Variants in ZNF33B observed in about 807,000 individuals in gnomAD.
ZNF33B encodes zinc finger protein 11b (KOX 2).
A neutral mutation model predicts 45.8 loss-of-function variants in ZNF33B; 29 were observed. The observed-to-expected ratio is 0.63, with a 90% confidence interval of 0.47 to 0.86. ZNF33B has a LOEUF of 0.86. Among genes scored for constraint, ZNF33B ranks in the 40% least tolerant of loss-of-function variants. The probability of loss-of-function intolerance (pLI) is 0.00; values close to 1 mark genes in which losing one functional copy is unlikely to be tolerated. For synonymous variants in ZNF33B, 305 were observed against 307.8 expected (o/e 0.99, Z 0.10); for missense variants, 831 against 909.9 (o/e 0.91, Z 1.12).
In ZNF33B at chr10:42,577,557, G is replaced by C. The variant is rs536787057; in HGVS notation, c.74-2879C>G. On this transcript the variant is annotated intron_variant, in intron 1 of 1. Coordinates refer to the ZNF33B transcript ENST00000462075. ...CCTTCACTTCAGAAAAAGCCCCAAG[G>C]CTTCTGATTCTCCAGTACTTTCTCC... Among the ~76,000 whole-genome samples, 7 of 152,222 alleles carry C rather than the reference G, an allele frequency of 4.6e-5. No individual in the cohort carries two copies. The East Asian group carries it at 1.4e-3, about 29-fold the overall frequency.
chr10:42,617,001 T>C (rs1020473427), intron 4 of ZNF33B, among the ~76,000 whole-genome samples: 39 of 150,600 alleles, frequency 2.6e-4, no homozygotes, highest in African/African-American at 9.3e-4. Flanking sequence ...GCCTGTCTAT[T>C]ATCTTTATTA....
intron 1 of ZNF33B, chr10:42,582,744 T>G (rs1176463466): frequency 5.6e-6 from 1 of 177,460 alleles, no homozygotes; most frequent in Non-Finnish European, 1.2e-5. Flanking sequence ...CAAAACCAGA[T>G]AGGACACCTG....
At chr10:42,635,366 G>A (rs530236070) in intron 2 of ZNF33B, among the ~76,000 whole-genome samples, 1 of 152,232 alleles carries the variant, frequency 6.6e-6, no homozygotes, top group South Asian at 2.1e-4. Context: ...TGAGCAGGGA[G>A]GTGTCAGGAT....
At chr10:42,625,731 C>T (rs541158150) in intron 4 of ZNF33B, among the ~76,000 whole-genome samples, 1 of 152,368 alleles carries the variant, frequency 6.6e-6, no homozygotes, top group East Asian at 1.9e-4. Flanking sequence ...CCACGGCCTC[C>T]CAAAGTACTG....
chr10:42,591,256 C>T lies in ZNF33B; in HGVS notation c.*1357G>A. The T allele has an allele frequency of 1.1e-6, 1 of 927,836 alleles. No homozygotes were observed. Among genetic ancestry groups the T allele is most frequent in the South Asian group, 5.0e-5 (1 of 20,132 alleles). The allele number at this position is 927,836 out of a possible 1,614,324, so 57.5% of individuals were successfully genotyped here. ...GTATGTGTGGGCCTCTTTCCAGGGC[C>T]CTGTCTTGGAGAGCAGCTGCTTAAA... On this transcript the variant is annotated 3_prime_UTR_variant, in exon 5 of 5. Coordinates refer to ENST00000359467, the MANE Select transcript of ZNF33B (RefSeq NM_006955.3).
intron 4 of ZNF33B, among the ~76,000 whole-genome samples, chr10:42,629,076 AATAG>A (rs1210168628): frequency 2.6e-5 from 4 of 152,240 alleles, no homozygotes; most frequent in African/African-American, 9.6e-5. Flanking sequence ...TTCACAGATA[AATAG>A]ATAAAGAAAA....
At chr10:42,618,684 C>G (rs564091525) in intron 4 of ZNF33B, among the ~76,000 whole-genome samples, 2 of 152,178 alleles carry the variant, frequency 1.3e-5, no homozygotes, top group South Asian at 4.2e-4. Flanking sequence ...TGCATTTATC[C>G]TCCTATGAGT....
intron 4 of ZNF33B, among the ~76,000 whole-genome samples, chr10:42,629,843 T>C (rs1838970753): frequency 1.3e-5 from 2 of 152,216 alleles, no homozygotes; most frequent in Admixed American, 6.5e-5. Context: ...GTTTTCTCAG[T>C]AGTTGTTCTA....
downstream of ZNF33B, among the ~76,000 whole-genome samples, chr10:42,587,714 C>T (rs1313563799): frequency 2.6e-5 from 4 of 152,182 alleles, no homozygotes; most frequent in Non-Finnish European, 5.9e-5. Flanking sequence ...AGTATCAGTG[C>T]CAGGCCATGC....
intron 1 of ZNF33B, among the ~76,000 whole-genome samples, chr10:42,575,731 T>TAC (rs1235378875): frequency 8.1e-6 from 1 of 122,858 alleles, no homozygotes; most frequent in African/African-American, 3.4e-5. Flanking sequence ...TATATATACA[T>TAC]ATATATTTTT....
chr10:42,581,188 AT>A (rs1836817153), intron 1 of ZNF33B, among the ~76,000 whole-genome samples: 1 of 152,016 alleles, frequency 6.6e-6, no homozygotes, highest in South Asian at 2.1e-4. Flanking sequence ...AAATCCAAGA[AT>A]GAAAGTGTGG....
At chr10:42,579,276 C>T (rs1305329694) in intron 1 of ZNF33B, among the ~76,000 whole-genome samples, 1 of 152,090 alleles carries the variant, frequency 6.6e-6, no homozygotes, top group African/African-American at 2.4e-5. Context: ...CTGTGTGATG[C>T]TGAGGCTTGG....
chr10:42,635,432 A>G (rs879846248), intron 2 of ZNF33B, among the ~76,000 whole-genome samples: 3 of 152,124 alleles, frequency 2.0e-5, no homozygotes, highest in Non-Finnish European at 4.4e-5. Flanking sequence ...TTTTTGACGT[A>G]TGTATTCATT....
rs3180193 is a variant in ZNF33B, at chr10:42,589,802, T to G, written c.*2811A>C. The G allele has an allele frequency of 1.3e-5, 2 of 151,394 alleles. No homozygotes were observed. The highest frequency in any genetic ancestry group is 6.6e-5 in the Admixed American group (1 of 15,204). The allele number at this position is 151,394 out of a possible 1,614,324, so 9.4% of individuals were successfully genotyped here. ...ATGTGCATTTTATTTCCTTTTTTTT[T>G]GGTATCACTGCATTAGATAGCACTT... is the stretch of plus-strand genomic sequence containing the variant. On this transcript the variant is annotated 3_prime_UTR_variant, in exon 5 of 5. Transcript: ENST00000359467.
At chr10:42,610,075 T>C (rs952536140) in intron 4 of ZNF33B, among the ~76,000 whole-genome samples, 10 of 152,050 alleles carry the variant, frequency 6.6e-5, no homozygotes, top group Admixed American at 1.3e-4. Context: ...GGAAGGGGAA[T>C]TCAGATTGAA....
chr10:42,632,019 A>G lies in ZNF33B; in HGVS notation c.160T>C (p.Cys54Arg). ...AAGATCACCTCTGGTTTGTGAGCAC[A>G]ATACCCTGTTAACAGGAAATAATTT... ...NYSNLVSVGYCAHKPEVIFRL... is the reference protein window; with the variant it reads ...NYSNLVSVGYRAHKPEVIFRL... Residue 54 changes from cysteine to arginine, a missense_variant, in exon 4 of 5, where the codon TGT becomes CGT. Physicochemically the swap from Cys to Arg is radical, Grantham distance 180. Transcript: ENST00000359467. 2 of 1,614,034 alleles carry G rather than the reference A, an allele frequency of 1.2e-6. No homozygotes were observed. Among genetic ancestry groups the G allele is most frequent in the Non-Finnish European group, 1.7e-6 (2 of 1,179,942 alleles).
Position 42,622,497 on chromosome 10 carries a change from C to T in ZNF33B, c.250+9432G>A, listed in dbSNP as rs536258343. On this transcript the variant is annotated intron_variant, in intron 4 of 4. Coordinates refer to ENST00000359467, the MANE Select transcript of ZNF33B (RefSeq NM_006955.3). The stretch of plus-strand genomic sequence containing the variant: ...TCATAGGTGTAGACATACAGACAAA[C>T]GGAATACAAGTGAGAGCCCAAAAAT... Among the ~76,000 whole-genome samples, 34 of 152,286 alleles carry T rather than the reference C, an allele frequency of 2.2e-4. No homozygotes were observed. The South Asian group carries it at 6.8e-3, about 31-fold the overall frequency.
At position 42,631,933 on chromosome 10, in the gene ZNF33B, A is replaced by G; in HGVS notation, c.246T>C (p.Phe82=). ...GTGCAGTACATATTAACCCACCTGG[A>G]AAGCTCTGGCTTGGGAATTCTTCCT... The part of the protein sequence containing the change: ...RLEEEFPSQS[F]PEVWTADHLK... Residue 82 remains phenylalanine, a synonymous_variant, in exon 4 of 5, where the codon TTT becomes TTC. Coordinates refer to ENST00000359467, the MANE Select transcript of ZNF33B (RefSeq NM_006955.3). 1 of 1,613,892 alleles carries G rather than the reference A, an allele frequency of 6.2e-7. No homozygotes were observed. Among genetic ancestry groups the G allele is most frequent in the East Asian group, 2.2e-5 (1 of 44,864 alleles).
chr10:42,618,516 A>G (rs1838429759), intron 4 of ZNF33B, among the ~76,000 whole-genome samples: 1 of 152,232 alleles, frequency 6.6e-6, no homozygotes, highest in African/African-American at 2.4e-5. Context: ...ACTATTTTCT[A>G]GAATGACTGT....
Sources: allele counts gnomAD v4.1 joint callset (sites outside exome capture counted in the v4.1 genomes callset), GRCh38; gene constraint gnomAD v4.1.1; transcripts MANE v1.5; gene names NCBI Gene and HGNC (gene_info 2026-07-23, HGNC 2026-07-21).